Variants in PKP1 observed in about 807,000 individuals in gnomAD.
The protein encoded by PKP1 is plakophilin 1.
In PKP1, 27 loss-of-function variants were observed where a neutral mutation model predicts 76.4. The observed-to-expected ratio is 0.35, with a 90% confidence interval of 0.26 to 0.49. The LOEUF (loss-of-function observed/expected upper bound fraction) is 0.49. PKP1 is among the 20% of genes least tolerant of loss of function. The probability of loss-of-function intolerance (pLI) is 0.99; values close to 1 mark genes in which losing one functional copy is unlikely to be tolerated. For synonymous variants in PKP1, 404 were observed against 384.2 expected, an observed-to-expected ratio of 1.05 and a Z score of -0.60; for missense variants, 964 against 955.2, an observed-to-expected ratio of 1.01 and a Z score of -0.12.
intron 1 of PKP1, among the ~76,000 whole-genome samples, chr1:201,293,082 A>T (rs1249505598): frequency 6.6e-6 from 1 of 152,158 alleles, no homozygotes; most frequent in Non-Finnish European, 1.5e-5. Flanking sequence ...TTTGGCATGG[A>T]GGGAGATGTG....
chr1:201,322,182 C>CA lies in PKP1; in HGVS notation c.1503+50dup, dbSNP rs765865503. 1.4e-5 allele frequency: 23 copies of CA among 1,590,166 alleles called. No individual in the cohort carries two copies. In the Admixed American group the frequency reaches 2.7e-4, roughly 19 times the overall value. Reference sequence around the variant, plus strand: ...GGGCCTGCCCCATCAAGCACCCCCCCAGGAGCCACTGCCTCATCTGCCCTT... The same window carrying CA: ...GGGCCTGCCCCATCAAGCACCCCCCCAAGGAGCCACTGCCTCATCTGCCCTT... On this transcript the variant is annotated intron_variant, in intron 8 of 13. Coordinates refer to ENST00000367324, the MANE Select transcript of PKP1 (RefSeq NM_001005337.3).
Position 201,322,059 on chromosome 1 carries a change from G to T in PKP1, c.1429G>T (p.Glu477Ter). The T allele has an allele frequency of 6.2e-7, 1 of 1,613,808 alleles. No homozygotes were observed. Among genetic ancestry groups the T allele is most frequent in the Non-Finnish European group, 8.5e-7 (1 of 1,179,998 alleles). ...GGTGCCCACCCGCTACCGCCAGCTG[G>T]AGTATAACGCCCGCAACGCCTACAC... ...AEVPTRYRQL[E>*]YNARNAYTEK... Residue 477 changes from glutamate to a stop codon, truncating the protein, a stop_gained, in exon 8 of 14, where the codon GAG (glutamate) becomes TAG (stop). Transcript: ENST00000367324. LOFTEE classifies it high-confidence loss of function.
chr1:201,328,991 G>A, intron 13 of PKP1, 123 bp downstream of exon 13: 2 of 733,428 alleles, frequency 2.7e-6, no homozygotes, highest in Non-Finnish European at 5.0e-6. Flanking sequence ...CCTGGCTCTG[G>A]ACAACACAAG....
chr1:201,301,923 G>C (rs2102162226), intron 2 of PKP1, among the ~76,000 whole-genome samples: 1 of 152,250 alleles, frequency 6.6e-6, no homozygotes, highest in South Asian at 2.1e-4. Context: ...TGTCATTGAA[G>C]GCGTGGGACC....
chr1:201,304,307 TC>T (rs1369872437), intron 2 of PKP1, among the ~76,000 whole-genome samples: 3 of 152,170 alleles, frequency 2.0e-5, no homozygotes, highest in Admixed American at 2.0e-4. Context: ...TTAACACTAG[TC>T]CCTGTTTTCT....
intron 2 of PKP1, among the ~76,000 whole-genome samples, chr1:201,302,628 G>A (rs572007085): frequency 2.0e-5 from 3 of 152,296 alleles, no homozygotes; most frequent in Admixed American, 1.3e-4. Context: ...ATGTCTCTAC[G>A]GAAGCCTGCC....
chr1:201,324,880 C>A (rs1319975439), intron 10 of PKP1, 61 bp from the exon 11 acceptor site: 10 of 1,495,884 alleles, frequency 6.7e-6, no homozygotes, highest in Non-Finnish European at 6.4e-6. Flanking sequence ...CCAGAGGGAA[C>A]CCCTCAGCCC....
At chr1:201,324,321 G>T in intron 9 of PKP1, 107 bp from the exon 10 acceptor site, 1 of 1,188,956 alleles carries the variant, frequency 8.4e-7, no homozygotes, top group East Asian at 2.4e-5. Context: ...CAATATGAAA[G>T]AGAAAGGGTT....
At chr1:201,294,580 T>C (rs1472157785) in intron 2 of PKP1, among the ~76,000 whole-genome samples, 1 of 152,218 alleles carries the variant, frequency 6.6e-6, no homozygotes, top group African/African-American at 2.4e-5. Flanking sequence ...TTGGGCAAGT[T>C]ACTTCAAACT....
rs1160095230 is a variant in PKP1 at position 201,283,879 on chromosome 1, G to T, written c.177G>T (p.Ser59=). 1.2e-6 allele frequency: 2 copies of T among 1,614,096 alleles called. No individual in the cohort carries two copies. Among genetic ancestry groups the T allele is most frequent in the South Asian group, 2.2e-5 (2 of 91,086 alleles). ...VKRQKSKSSQ[S]STLSHSNRGS... ...GGCAGAAGTCCAAGTCTTCCCAGTC[G>T]TCCACCCTGAGCCACTCCAATCGAG... The change falls in exon 1 of 14, where the codon TCG becomes TCT. Residue 59 remains serine, a synonymous_variant. Transcript: ENST00000367324.
At chr1:201,288,734 A>C (rs1032133903) in intron 1 of PKP1, among the ~76,000 whole-genome samples, 2 of 151,070 alleles carry the variant, frequency 1.3e-5, no homozygotes, top group African/African-American at 2.4e-5. Context: ...ACTCTAACCC[A>C]CCACCCTGCC....
chr1:201,299,706 G>A (rs1183567936), intron 2 of PKP1, among the ~76,000 whole-genome samples: 1 of 152,016 alleles, frequency 6.6e-6, no homozygotes, highest in African/African-American at 2.4e-5. Context: ...GAAAACAGCA[G>A]TTAGTTAGCC....
At chr1:201,318,291 G>A (rs542577383) in intron 5 of PKP1, among the ~76,000 whole-genome samples, 1 of 152,318 alleles carries the variant, frequency 6.6e-6, no homozygotes, top group Admixed American at 6.5e-5. Context: ...ATGGAAAAGA[G>A]ACAGCGTTAG....
At position 201,316,711 on chromosome 1, in the gene PKP1, T is replaced by A; in HGVS notation, c.846+14T>A. 1 of 1,613,376 alleles carries A rather than the reference T, an allele frequency of 6.2e-7. No individual in the cohort carries two copies. The highest frequency in any genetic ancestry group is 1.3e-5 in the African/African-American group (1 of 75,030). ...GCCAAGCAACAGGTAGCTGGTTGCA[T>A]ACCTTCCTCCTTGGTGGGCCTGCGG... is the stretch of plus-strand genomic sequence containing the variant. On this transcript the variant is annotated intron_variant, in intron 4 of 13. Transcript: ENST00000367324.
chr1:201,299,710 G>A lies in PKP1; in HGVS notation c.306+5665G>A, dbSNP rs538191416. Among the ~76,000 whole-genome samples the A allele has an allele frequency of 8.2e-4, 125 of 152,352 alleles. 3 individuals carry two copies. The Middle Eastern group carries it at 0.017, about 21-fold the overall frequency. On this transcript the variant is annotated intron_variant, in intron 2 of 13. Coordinates refer to ENST00000367324, the MANE Select transcript of PKP1 (RefSeq NM_001005337.3). ...CCAGGCACCAGGAAAACAGCAGTTA[G>A]TTAGCCCTTGCAACAGGATGAAAAG...
At chr1:201,286,261 G>T (rs904135125) in intron 1 of PKP1, among the ~76,000 whole-genome samples, 1 of 152,172 alleles carries the variant, frequency 6.6e-6, no homozygotes, top group Non-Finnish European at 1.5e-5. Flanking sequence ...TCAGGTTCTT[G>T]TTTAGTCTCT....
intron 1 of PKP1, among the ~76,000 whole-genome samples, chr1:201,292,298 A>C (rs941632652): frequency 6.6e-6 from 1 of 152,178 alleles, no homozygotes; most frequent in Admixed American, 6.5e-5. Flanking sequence ...TATGGGAGGT[A>C]AGAGGCCAAC....
At chr1:201,296,569 G>A (rs1330098025) in intron 2 of PKP1, among the ~76,000 whole-genome samples, 1 of 152,222 alleles carries the variant, frequency 6.6e-6, no homozygotes, top group African/African-American at 2.4e-5. Flanking sequence ...CAGCCAACTT[G>A]TATTGAGCAA....
At chr1:201,315,212 G>A (rs183033647) in intron 3 of PKP1, among the ~76,000 whole-genome samples, 19 of 152,344 alleles carry the variant, frequency 1.2e-4, no homozygotes, top group Admixed American at 3.9e-4. Context: ...GTGAGATATG[G>A]AAGGGATGAG....
Sources: gnomAD v4.1 joint callset for allele counts (sites outside exome capture counted in the v4.1 genomes callset) on GRCh38, gnomAD v4.1.1 for gene constraint, MANE v1.5 for transcripts, NCBI Gene and HGNC (gene_info 2026-07-23, HGNC 2026-07-21) for gene names.